BANK1: variants seen among roughly 807,000 people sequenced by gnomAD.
BANK1 encodes B-cell scaffold protein with ankyrin repeats.
BANK1 carries 95 observed loss-of-function variants against 94.5 expected under a neutral mutation model. The observed-to-expected ratio is 1.00, with a 90% CI of 0.85 to 1.19. BANK1 has a LOEUF of 1.19. Ranked by LOEUF, BANK1 falls within the 50% of genes most tolerant of loss-of-function variation. The pLI, the probability that BANK1 is intolerant of heterozygous loss-of-function variation, is 0.00. For missense variants in BANK1, 987 were observed against 932.2 expected (o/e 1.06, Z -0.77); for synonymous variants, 334 against 308.4 (o/e 1.08, Z -0.87).
At chr4:101,801,236 C>A (rs4699259) in intron 1 of BANK1, among the ~76,000 whole-genome samples, 37,711 of 151,974 alleles carry the variant, frequency 0.25, 5,215 homozygotes, top group Non-Finnish European at 0.32. Context: ...AATGTAAAAT[C>A]TCTCAAGAAT....
chr4:101,799,266 G>C (rs1301411759), intron 1 of BANK1, among the ~76,000 whole-genome samples: 1 of 152,130 alleles, frequency 6.6e-6, no homozygotes, highest in Non-Finnish European at 1.5e-5. Flanking sequence ...AAGATGAGAT[G>C]GTTATAGATG....
At chr4:101,811,631 A>G (rs925471904) in intron 1 of BANK1, among the ~76,000 whole-genome samples, 1 of 152,142 alleles carries the variant, frequency 6.6e-6, no homozygotes, top group Non-Finnish European at 1.5e-5. Flanking sequence ...TTCATGATAC[A>G]TTTTAAAAAT....
chr4:101,825,714 G>T (rs1444923631), intron 1 of BANK1, among the ~76,000 whole-genome samples: 2 of 151,932 alleles, frequency 1.3e-5, no homozygotes, highest in Non-Finnish European at 2.9e-5. Context: ...TAATAATTGA[G>T]AAAACTAAAG....
intron 6 of BANK1, among the ~76,000 whole-genome samples, chr4:101,899,475 A>G (rs1284505053): frequency 6.6e-6 from 1 of 152,180 alleles, no homozygotes; most frequent in Non-Finnish European, 1.5e-5. Flanking sequence ...TTATGAACTG[A>G]TGCTTCAGTT....
At chr4:101,983,508 T>C (rs1725386145) in intron 7 of BANK1, among the ~76,000 whole-genome samples, 1 of 152,100 alleles carries the variant, frequency 6.6e-6, no homozygotes, top group South Asian at 2.1e-4. Flanking sequence ...AGTGAGTTAA[T>C]GTAATAAAGT....
At chr4:102,002,926 A>T (rs1726127244) in intron 7 of BANK1, among the ~76,000 whole-genome samples, 1 of 152,206 alleles carries the variant, frequency 6.6e-6, no homozygotes, top group Non-Finnish European at 1.5e-5. Flanking sequence ...GGCATGTGCC[A>T]CCATGCCCAG....
At chr4:101,964,859 C>T (rs1724692537) in intron 7 of BANK1, among the ~76,000 whole-genome samples, 1 of 151,250 alleles carries the variant, frequency 6.6e-6, no homozygotes, top group Admixed American at 6.6e-5. Flanking sequence ...TGGTGTGCTG[C>T]ACCCACTAAC....
chr4:101,883,520 C>T (rs2148886420), intron 5 of BANK1, among the ~76,000 whole-genome samples: 1 of 152,272 alleles, frequency 6.6e-6, no homozygotes, highest in Middle Eastern at 3.4e-3. Context: ...TTTCTTATCA[C>T]TCAGTGGCAA....
intron 10 of BANK1, among the ~76,000 whole-genome samples, chr4:102,037,633 A>G (rs561269708): frequency 2.6e-4 from 40 of 152,360 alleles, no homozygotes; most frequent in African/African-American, 9.1e-4. Flanking sequence ...TTATGAAGCC[A>G]GATGGAACGG....
At chr4:102,033,211 G>T (rs539979145) in intron 10 of BANK1, among the ~76,000 whole-genome samples, 12 of 152,188 alleles carry the variant, frequency 7.9e-5, no homozygotes, top group South Asian at 4.1e-4. Context: ...TGTAATTCCT[G>T]CCACCCAGTG....
chr4:101,869,452 C>G (rs543841984), intron 4 of BANK1, among the ~76,000 whole-genome samples: 13 of 151,746 alleles, frequency 8.6e-5, no homozygotes, highest in Non-Finnish European at 1.8e-4. Flanking sequence ...CATGCATCTT[C>G]TTTGTAATAC....
chr4:102,005,659 T>C (rs532709013), intron 7 of BANK1, among the ~76,000 whole-genome samples: 33 of 152,210 alleles, frequency 2.2e-4, no homozygotes, highest in African/African-American at 7.7e-4. Context: ...ATTTGCATTA[T>C]GATAGAAAAT....
intron 13 of BANK1, among the ~76,000 whole-genome samples, chr4:102,069,219 A>AT (rs1436512358): frequency 6.6e-6 from 1 of 152,230 alleles, no homozygotes; most frequent in African/African-American, 2.4e-5. Flanking sequence ...TTACAGAGAG[A>AT]TAAATATGGA....
chr4:101,935,404 G>T (rs1723494372), intron 7 of BANK1, among the ~76,000 whole-genome samples: 1 of 151,462 alleles, frequency 6.6e-6, no homozygotes, highest in African/African-American at 2.4e-5. Context: ...CATTAGTGGG[G>T]CACTGGGACT....
At chr4:102,060,631 C>A (rs529834017) in intron 12 of BANK1, among the ~76,000 whole-genome samples, 1 of 152,206 alleles carries the variant, frequency 6.6e-6, no homozygotes, top group South Asian at 2.1e-4. Context: ...GCTTATAATA[C>A]CTGTCTTTAG....
At chr4:101,969,238 T>C (rs1046963961) in intron 7 of BANK1, among the ~76,000 whole-genome samples, 1 of 152,084 alleles carries the variant, frequency 6.6e-6, no homozygotes, top group Non-Finnish European at 1.5e-5. Context: ...GCAAAGATCT[T>C]TTTTTTAAAA....
intron 13 of BANK1, among the ~76,000 whole-genome samples, chr4:102,066,156 T>A (rs1462079315): frequency 6.6e-6 from 1 of 151,828 alleles, no homozygotes; most frequent in Non-Finnish European, 1.5e-5. Flanking sequence ...AAAAAGAAAT[T>A]CTTGAAAGCA....
chr4:101,792,441 T>TTGTG lies in BANK1; in HGVS notation c.70+1517_70+1520dup, dbSNP rs143434251. Among the ~76,000 whole-genome samples the TTGTG allele has an allele frequency of 3.0e-4, 41 of 136,804 alleles. No individual in the cohort carries two copies. The East Asian group carries it at 3.4e-3, about 11-fold the overall frequency. The allele number at this position is 136,804 out of a possible 152,430, so 89.7% of individuals were successfully genotyped here. ...TTCTAGCTTTTATAAATCCAGTGGT[T>TTGTG]TGTGTGTGTGTGTGTGTGTGTGTGT... On this transcript the variant is annotated intron_variant, in intron 1 of 16. Coordinates refer to ENST00000322953, the MANE Select transcript of BANK1 (RefSeq NM_017935.5).
chr4:102,057,490 C>G (rs1244540040), intron 11 of BANK1, among the ~76,000 whole-genome samples: 2 of 152,068 alleles, frequency 1.3e-5, no homozygotes, highest in Admixed American at 1.3e-4. Flanking sequence ...TCCCGAGTAG[C>G]TGGGACTACA....
Sources: gnomAD v4.1 joint callset for allele counts (sites outside exome capture counted in the v4.1 genomes callset) on GRCh38, gnomAD v4.1.1 for gene constraint, MANE v1.5 for transcripts, NCBI Gene and HGNC (gene_info 2026-07-23, HGNC 2026-07-21) for gene names.